The following TTC34 variants were observed in gnomAD, a reference collection of about 807,000 sequenced individuals.
TTC34 encodes the protein tetratricopeptide repeat protein 34.
Under a neutral mutation model 40.7 loss-of-function variants are expected in TTC34, and 44 were observed. That is an observed-to-expected ratio of 1.08 (90% confidence interval 0.85 to 1.39). The LOEUF (loss-of-function observed/expected upper bound fraction) is 1.39, where lower values mean the gene tolerates loss of function less well. Ranked by LOEUF, TTC34 falls within the 40% of genes most tolerant of loss-of-function variation. TTC34 has a pLI of 0.00. For synonymous variants in TTC34, 422 were observed against 398.6 expected (o/e 1.06, Z -0.70); for missense variants, 884 against 838.0 (o/e 1.05, Z -0.68).
At chr1:2,683,535 C>A (rs1640177521) in intron 6 of TTC34, among the ~76,000 whole-genome samples, 1 of 144,010 alleles carries the variant, frequency 6.9e-6, no homozygotes, top group Non-Finnish European at 1.5e-5. Context: ...ATCTGATGGT[C>A]TGGAGCAGCA....
chr1:2,652,508 T>TGGGTTA (rs1570753892), intron 6 of TTC34, among the ~76,000 whole-genome samples: 10 of 139,572 alleles, frequency 7.2e-5, no homozygotes, highest in African/African-American at 1.1e-4. Flanking sequence ...TCTGACGGCC[T>TGGGTTA]GCAACAGCAC....
In TTC34 at chr1:2,769,653, C is replaced by G. The variant is rs368515836; in HGVS notation, c.2226+13956G>C. 8.3e-5 allele frequency among the ~76,000 whole-genome samples: 11 copies of G among 133,018 alleles called. No individual in the cohort carries two copies. In the East Asian group the frequency reaches 1.4e-3, roughly 17 times the overall value. The allele number at this position is 133,018 out of a possible 152,430, so 87.3% of individuals were successfully genotyped here. On this transcript the variant is annotated intron_variant, in intron 6 of 8. Transcript: ENST00000401095. ...CACCCCCAGGTGAGCATCTGACAGC[C>G]TGGAGCAGCACCCTACACCCCCAGG...
At chr1:2,683,828 C>T (rs1358079847) in intron 6 of TTC34, among the ~76,000 whole-genome samples, 2 of 152,082 alleles carry the variant, frequency 1.3e-5, no homozygotes, top group Admixed American at 6.5e-5. Context: ...GGAACAGCAC[C>T]CACACCCCCA....
chr1:2,792,470 G>A (rs1281165435), intron 2 of TTC34, among the ~76,000 whole-genome samples: 1 of 152,066 alleles, frequency 6.6e-6, no homozygotes, highest in African/African-American at 2.4e-5. Flanking sequence ...CACACACCAG[G>A]CATGATGGAC....
chr1:2,684,726 A>C (rs1490809100), intron 6 of TTC34, among the ~76,000 whole-genome samples: 2 of 84,478 alleles, frequency 2.4e-5, no homozygotes, highest in African/African-American at 1.1e-4. Flanking sequence ...CCCCCAGGCG[A>C]GCATCCGACA....
chr1:2,784,761 G>A (rs1010325264), intron 5 of TTC34, among the ~76,000 whole-genome samples: 1 of 152,136 alleles, frequency 6.6e-6, no homozygotes, highest in Admixed American at 6.5e-5. Flanking sequence ...ATTAATAATT[G>A]TTCATTATCT....
chr1:2,687,589 C>A (rs1570818299), intron 6 of TTC34, among the ~76,000 whole-genome samples: 3 of 148,082 alleles, frequency 2.0e-5, no homozygotes, highest in African/African-American at 7.8e-5. Context: ...ATCTGACAGC[C>A]TGGAACAGCA....
At chr1:2,799,053 G>A in intron 2 of TTC34, among the ~76,000 whole-genome samples, 1 of 147,572 alleles carries the variant, frequency 6.8e-6, no homozygotes, top group Non-Finnish European at 1.5e-5. Context: ...CAGCCTCCCA[G>A]CCTCTCAGCC....
exon 2 of TTC34, chr1:2,800,857 T>C: frequency 2.5e-6 from 1 of 398,490 alleles, no homozygotes; most frequent in Non-Finnish European, 4.4e-6. Context: ...CCATGTCTGG[T>C]CCTCAGAGTA....
chr1:2,695,009 G>T (rs1057187416), intron 6 of TTC34, among the ~76,000 whole-genome samples: 21 of 124,348 alleles, frequency 1.7e-4, no homozygotes, highest in African/African-American at 3.7e-4. Context: ...GTGAGGATCT[G>T]ACAGCCTGGA....
chr1:2,750,220 G>GAC (rs1641269849), intron 6 of TTC34, among the ~76,000 whole-genome samples: 2 of 68,044 alleles, frequency 2.9e-5, no homozygotes, highest in African/African-American at 3.7e-5. Flanking sequence ...GTGCGCATCT[G>GAC]ATGGTCTGGA....
chr1:2,650,246 G>A (rs565597102), intron 6 of TTC34, among the ~76,000 whole-genome samples: 1 of 150,650 alleles, frequency 6.6e-6, no homozygotes, highest in African/African-American at 2.5e-5. Flanking sequence ...GCCTGGAATG[G>A]CACTCTACAT....
chr1:2,671,787 A>T (rs1639710022), intron 6 of TTC34, among the ~76,000 whole-genome samples: 1 of 145,866 alleles, frequency 6.9e-6, no homozygotes, highest in African/African-American at 2.7e-5. Context: ...AGCAGCACCC[A>T]CACACCGAGG....
At chr1:2,654,880 A>C (rs75504764) in intron 6 of TTC34, among the ~76,000 whole-genome samples, 53 of 134,340 alleles carry the variant, frequency 3.9e-4, no homozygotes, top group South Asian at 9.4e-4. Flanking sequence ...GACAGCCTGG[A>C]GCAGCACCCA....
At chr1:2,688,254 GGGGA>G (rs1640461679) in intron 6 of TTC34, among the ~76,000 whole-genome samples, 1 of 147,296 alleles carries the variant, frequency 6.8e-6, no homozygotes, top group African/African-American at 2.6e-5. Context: ...CACACCCCCA[GGGGA>G]GCATGTGACA....
chr1:2,691,141 C>A (rs540668199), intron 6 of TTC34, among the ~76,000 whole-genome samples: 1 of 70,820 alleles, frequency 1.4e-5, no homozygotes, highest in African/African-American at 4.7e-5. Context: ...GAACCCACAC[C>A]GCCAGGGGAG....
At chr1:2,750,084 C>T (rs1641265764) in intron 6 of TTC34, among the ~76,000 whole-genome samples, 4 of 120,068 alleles carry the variant, frequency 3.3e-5, no homozygotes, top group Non-Finnish European at 6.7e-5. Context: ...AGCAGGCACA[C>T]CCCCAGTGAG....
exon 9 of TTC34, chr1:2,637,618 T>C (rs1638818335): frequency 6.6e-6 from 1 of 152,232 alleles, no homozygotes. Flanking sequence ...ACCCACGTGC[T>C]GCTGTGTGAG....
At chr1:2,683,749 C>A (rs1405884648) in intron 6 of TTC34, among the ~76,000 whole-genome samples, 1 of 147,802 alleles carries the variant, frequency 6.8e-6, no homozygotes, top group South Asian at 2.1e-4. Context: ...GAACAGCACC[C>A]ACACCCCCAG....
Sources: allele counts gnomAD v4.1 joint callset (sites outside exome capture counted in the v4.1 genomes callset), GRCh38; gene constraint gnomAD v4.1.1; transcripts MANE v1.5; gene names NCBI Gene and HGNC (gene_info 2026-07-23, HGNC 2026-07-21).